MROH2B: variants seen among roughly 807,000 people sequenced by gnomAD.
MROH2B encodes maestro heat like repeat family member 2B.
MROH2B carries 177 observed loss-of-function variants against 208.6 expected under a neutral mutation model. That is an observed-to-expected ratio of 0.85 (90% confidence interval 0.75 to 0.96). MROH2B has a LOEUF of 0.96. Ranked by LOEUF, MROH2B falls within the 40% of genes least tolerant of loss-of-function variation. MROH2B has a pLI of 0.00. For synonymous variants in MROH2B, 728 were observed against 659.0 expected (o/e 1.10, Z -1.60); for missense variants, 2,002 against 1,878.7 (o/e 1.07, Z -1.21).
intron 19 of MROH2B, among the ~76,000 whole-genome samples, chr5:41,040,769 G>A (rs539787705): frequency 2.2e-4 from 34 of 152,188 alleles, no homozygotes; most frequent in African/African-American, 6.5e-4. Flanking sequence ...GGGTTCACGC[G>A]ATTCTCTTGC....
intron 24 of MROH2B, among the ~76,000 whole-genome samples, chr5:41,027,739 G>A (rs1396609831): frequency 5.3e-5 from 8 of 152,250 alleles, no homozygotes; most frequent in East Asian, 1.9e-4. Context: ...ACATGCAGAC[G>A]TATGTTTATT....
At position 41,055,804 on chromosome 5, in the gene MROH2B, C is replaced by T; in HGVS notation, c.971G>A (p.Ser324Asn). The T allele has an allele frequency of 1.9e-6, 3 of 1,613,862 alleles. No individual in the cohort carries two copies. The highest frequency in any genetic ancestry group is 2.5e-6 in the Non-Finnish European group (3 of 1,179,838). Residue 324 changes from serine (S) to asparagine (N), a missense_variant, in exon 10 of 42, where the codon AGT (serine) becomes AAT (asparagine). Coordinates refer to ENST00000399564, the MANE Select transcript of MROH2B (RefSeq NM_173489.5). ...LMEFFDEQVR[S>N]NNEAIRVGIL... ...TCCCACTCGAATGGCTTCATTATTA[C>T]TTCTTACTTGTTCATCAAAAAATTC...
intron 24 of MROH2B, among the ~76,000 whole-genome samples, chr5:41,020,177 A>G (rs781699476): frequency 3.9e-5 from 6 of 152,122 alleles, no homozygotes; most frequent in Non-Finnish European, 4.4e-5. Flanking sequence ...ATTTTAAAAT[A>G]ATGAATATAT....
At position 41,049,378 on chromosome 5, in the gene MROH2B, T is replaced by C; in HGVS notation, c.1403A>G (p.Glu468Gly). 1 of 1,613,710 alleles carries C rather than the reference T, an allele frequency of 6.2e-7. No individual in the cohort carries two copies. Among genetic ancestry groups the C allele is most frequent in the Non-Finnish European group, 8.5e-7 (1 of 1,179,754 alleles). The change falls in exon 14 of 42, where the codon GAG becomes GGG. Residue 468 changes from glutamate to glycine, a missense_variant. Physicochemically the swap from Glu to Gly is moderately conservative, Grantham distance 98. Coordinates refer to ENST00000399564, the MANE Select transcript of MROH2B (RefSeq NM_173489.5). ...VVPAEYTEAL[E>G]PLFSIIRILI... ...AATTCTGATGATACTAAACAGGGGC[T>C]CCAGAGCTTCTGTGTATTCTGCAGG... is the stretch of plus-strand genomic sequence containing the variant.
In MROH2B at chr5:40,998,612, G is replaced by A. The variant is rs533753954; in HGVS notation, c.4651C>T (p.Arg1551Ter). 27 of 1,593,646 alleles carry A rather than the reference G, an allele frequency of 1.7e-5. No individual in the cohort carries two copies. The highest frequency in any genetic ancestry group is 2.2e-5 in the East Asian group (1 of 44,450). ...GGGAAGAAACTAGGTTGGTACTCAC[G>A]TGTGGTCAGTTGTTCTCTGTCTAGT... ...ELLDREQLTT[R>*]LQALRQDPCI... is the part of the protein sequence containing the mutation. The change falls in exon 41 of 42, where the codon CGA (arginine) becomes TGA (stop). Residue 1551 changes from arginine to a stop codon, truncating the protein, a stop_gained and splice_region_variant. Transcript: ENST00000399564. LOFTEE classifies it high-confidence loss of function.
chr5:41,056,337 G>C (rs1743448146), intron 9 of MROH2B, among the ~76,000 whole-genome samples: 1 of 152,124 alleles, frequency 6.6e-6, no homozygotes, highest in African/African-American at 2.4e-5. Context: ...AAAGCATCAG[G>C]GGTAAGGTGA....
intron 40 of MROH2B, 42 bp from the exon 41 acceptor site, chr5:40,998,719 G>A: frequency 6.7e-7 from 1 of 1,501,952 alleles, no homozygotes; most frequent in Non-Finnish European, 9.1e-7. Flanking sequence ...TCATTATAGA[G>A]GAAGAAGCCA....
At position 41,067,079 on chromosome 5, in the gene MROH2B, C is replaced by A. The variant is rs1334082977; in HGVS notation, c.201+29G>T. On this transcript the variant is annotated intron_variant, in intron 3 of 41. Transcript: ENST00000399564. ...TGGGTGCAGTTGGGTCACATAAAGA[C>A]CCTTTTCACCATCATGAACCAAACT... 43 of 1,367,164 alleles carry A rather than the reference C, an allele frequency of 3.1e-5. 1 individual carries two copies. The East Asian group carries it at 8.7e-4, about 28-fold the overall frequency. 84.7% of individuals were successfully genotyped at this position (1,367,164 alleles called of 1,614,324 possible).
At chr5:41,019,343 T>A (rs372976662) in intron 24 of MROH2B, among the ~76,000 whole-genome samples, 40 of 144,222 alleles carry the variant, frequency 2.8e-4, no homozygotes, top group Admixed American at 4.2e-4. Context: ...TGTGTGTGTG[T>A]GAGAGAGAGT....
At chr5:41,017,727 T>A (rs992190568) in intron 28 of MROH2B, 123 bp downstream of exon 28, 41 of 1,073,958 alleles carry the variant, frequency 3.8e-5, no homozygotes, top group Non-Finnish European at 4.0e-5. Flanking sequence ...AGGAGGAAAA[T>A]GAGGAAAGAG....
chr5:41,025,782 C>T (rs1246815347), intron 24 of MROH2B, among the ~76,000 whole-genome samples: 1 of 152,112 alleles, frequency 6.6e-6, no homozygotes, highest in South Asian at 2.1e-4. Flanking sequence ...ATGCAAAAAT[C>T]CTCAATAAAA....
intron 5 of MROH2B, among the ~76,000 whole-genome samples, chr5:41,062,058 A>G (rs1384927487): frequency 1.3e-5 from 2 of 148,898 alleles, no homozygotes; most frequent in East Asian, 3.9e-4. Flanking sequence ...TATCTAGCAA[A>G]GTTGAATATG....
At chr5:41,007,250 T>TTTTG (rs941127544) in intron 34 of MROH2B, 64 bp downstream of exon 34, 12 of 1,361,622 alleles carry the variant, frequency 8.8e-6, no homozygotes, top group Admixed American at 3.4e-5. Context: ...TGTATTGCAC[T>TTTTG]TTTGTTTGTT....
chr5:41,061,516 A>C, intron 6 of MROH2B, 54 bp downstream of exon 6: 2 of 1,400,286 alleles, frequency 1.4e-6, no homozygotes, highest in African/African-American at 1.5e-5. Flanking sequence ...GAGAAGAGAA[A>C]TTTCAACCAG....
intron 21 of MROH2B, among the ~76,000 whole-genome samples, chr5:41,036,420 T>C (rs1372237303): frequency 1.3e-5 from 2 of 152,150 alleles, no homozygotes; most frequent in Non-Finnish European, 2.9e-5. Flanking sequence ...TCCCCAGCCA[T>C]GTGGAACTTT....
chr5:41,030,940 A>G (rs1006993344), intron 24 of MROH2B, among the ~76,000 whole-genome samples: 4 of 152,168 alleles, frequency 2.6e-5, no homozygotes, highest in African/African-American at 9.7e-5. Context: ...AAAACTAAGA[A>G]AAGTATGATG....
intron 34 of MROH2B, among the ~76,000 whole-genome samples, chr5:41,005,980 G>T (rs548835777): frequency 6.8e-6 from 1 of 147,226 alleles, no homozygotes; most frequent in Admixed American, 7.0e-5. Flanking sequence ...GCAGTCAGCC[G>T]AGATCGCGCC....
chr5:41,069,837 T>C, intron 1 of MROH2B, 85 bp from the exon 2 acceptor site: 2 of 1,010,506 alleles, frequency 2.0e-6, no homozygotes, highest in Non-Finnish European at 3.0e-6. Context: ...AGAAAGTTCA[T>C]TCATTCATTT....
chr5:41,068,685 C>A (rs1285311790), intron 2 of MROH2B, among the ~76,000 whole-genome samples: 1 of 151,512 alleles, frequency 6.6e-6, no homozygotes, highest in Non-Finnish European at 1.5e-5. Flanking sequence ...ACTGGAAATT[C>A]TCCTTCAATG....
Sources: allele counts gnomAD v4.1 joint callset (sites outside exome capture counted in the v4.1 genomes callset), GRCh38; gene constraint gnomAD v4.1.1; transcripts MANE v1.5; gene names NCBI Gene and HGNC (gene_info 2026-07-23, HGNC 2026-07-21).